Variants in PPP2R3A observed in about 807,000 individuals in gnomAD.
The protein encoded by PPP2R3A is serine/threonine-protein phosphatase 2A regulatory subunit B'' subunit alpha.
A neutral mutation model predicts 106.9 loss-of-function variants in PPP2R3A; 80 were observed. The observed-to-expected ratio is 0.75, with a 90% CI of 0.62 to 0.90. The LOEUF (loss-of-function observed/expected upper bound fraction) is 0.90, where lower values mean the gene tolerates loss of function less well. PPP2R3A is among the 40% of genes least tolerant of loss of function. The pLI is 0.00. For missense variants in PPP2R3A, 1,386 were observed against 1,350.4 expected (o/e 1.03, Z -0.41); for synonymous variants, 483 against 468.3 (o/e 1.03, Z -0.41).
At chr3:136,127,993 T>TA (rs1483649604) in intron 13 of PPP2R3A, among the ~76,000 whole-genome samples, 1 of 152,180 alleles carries the variant, frequency 6.6e-6, no homozygotes, top group Non-Finnish European at 1.5e-5. Flanking sequence ...AGGCCTGCCT[T>TA]ATAAGAGCTC....
chr3:136,027,131 CCTT>C, intron 3 of PPP2R3A, 33 bp downstream of exon 3: 2 of 1,568,642 alleles, frequency 1.3e-6, no homozygotes, highest in East Asian at 2.3e-5. Flanking sequence ...TACAATCTCC[CCTT>C]CTTTAGAAAC....
At chr3:136,097,044 T>C (rs111522618) in intron 10 of PPP2R3A, among the ~76,000 whole-genome samples, 5 of 152,264 alleles carry the variant, frequency 3.3e-5, no homozygotes, top group African/African-American at 9.6e-5. Context: ...ATCATTATGC[T>C]TTGAAAAACC....
intron 5 of PPP2R3A, among the ~76,000 whole-genome samples, chr3:136,056,409 G>A (rs59985749): frequency 0.01 from 1,558 of 152,126 alleles, 25 homozygotes; most frequent in African/African-American, 0.037. Flanking sequence ...AATAATTGAG[G>A]AATCTGGGCG....
intron 5 of PPP2R3A, among the ~76,000 whole-genome samples, chr3:136,057,715 A>G (rs757655617): frequency 3.9e-5 from 6 of 152,174 alleles, no homozygotes; most frequent in Admixed American, 2.6e-4. Context: ...CAAAATCACT[A>G]TCAGAGAAAA....
At chr3:136,022,639 C>T (rs1202613046) in intron 2 of PPP2R3A, 8 of 434,222 alleles carry the variant, frequency 1.8e-5, no homozygotes, top group African/African-American at 1.7e-4. Flanking sequence ...ACCTCACATA[C>T]CCTGAGTTTA....
At chr3:136,097,368 C>T (rs529630012) in intron 10 of PPP2R3A, among the ~76,000 whole-genome samples, 2 of 152,306 alleles carry the variant, frequency 1.3e-5, no homozygotes, top group Non-Finnish European at 2.9e-5. Flanking sequence ...TTTTCTCTTT[C>T]GTTCATTGAT....
At chr3:136,141,203 G>A (rs932120232) in intron 13 of PPP2R3A, among the ~76,000 whole-genome samples, 2 of 152,204 alleles carry the variant, frequency 1.3e-5, no homozygotes, top group African/African-American at 4.8e-5. Context: ...GCAACTTATG[G>A]TGCTGAGGGA....
chr3:136,058,268 C>A (rs1300386227), intron 5 of PPP2R3A, among the ~76,000 whole-genome samples: 1 of 152,090 alleles, frequency 6.6e-6, no homozygotes, highest in Non-Finnish European at 1.5e-5. Context: ...ATTTCAAAAA[C>A]CCCCCAGTCT....
intron 3 of PPP2R3A, among the ~76,000 whole-genome samples, chr3:136,035,836 T>A (rs1935065965): frequency 3.3e-5 from 5 of 152,174 alleles, no homozygotes; most frequent in Admixed American, 3.3e-4. Flanking sequence ...ACTTTAAATT[T>A]CTCTTCTTCC....
chr3:136,029,414 C>T (rs1411184500), intron 3 of PPP2R3A, among the ~76,000 whole-genome samples: 1 of 152,148 alleles, frequency 6.6e-6, no homozygotes, highest in Non-Finnish European at 1.5e-5. Flanking sequence ...TGCTCTGTGG[C>T]TCGGGGCCTT....
chr3:135,975,123 A>G (rs865831692), intron 1 of PPP2R3A, among the ~76,000 whole-genome samples: 3 of 152,192 alleles, frequency 2.0e-5, no homozygotes, highest in Non-Finnish European at 4.4e-5. Context: ...TTCTAGTAGA[A>G]GGTTGAGACC....
intron 5 of PPP2R3A, among the ~76,000 whole-genome samples, chr3:136,057,619 T>C (rs1330033763): frequency 1.3e-5 from 2 of 152,110 alleles, no homozygotes; most frequent in African/African-American, 4.8e-5. Flanking sequence ...ATATTTTACC[T>C]CAATACATTT....
chr3:136,043,232 G>C (rs568541718), intron 4 of PPP2R3A, among the ~76,000 whole-genome samples: 214 of 152,190 alleles, frequency 1.4e-3, no homozygotes, highest in African/African-American at 4.8e-3. Context: ...GGCCAAGGTG[G>C]GCAGATCCCG....
intron 2 of PPP2R3A, among the ~76,000 whole-genome samples, chr3:136,007,889 C>T (rs781343937): frequency 5.3e-5 from 8 of 152,076 alleles, no homozygotes; most frequent in Admixed American, 2.0e-4. Context: ...TTTTTGGATG[C>T]CCGAGAGAAA....
intron 3 of PPP2R3A, among the ~76,000 whole-genome samples, 189 bp downstream of exon 3, chr3:136,027,287 C>G (rs995415269): frequency 4.6e-5 from 7 of 152,054 alleles, no homozygotes; most frequent in Non-Finnish European, 1.0e-4. Flanking sequence ...ATAAGAATCC[C>G]TTCCAAGACA....
At chr3:136,041,757 A>G (rs1394459308) in intron 4 of PPP2R3A, among the ~76,000 whole-genome samples, 1 of 152,250 alleles carries the variant, frequency 6.6e-6, no homozygotes, top group Non-Finnish European at 1.5e-5. Context: ...TGAAAGCTCC[A>G]GTTAAGGAAC....
chr3:136,146,855 C>CAGAT lies in PPP2R3A; in HGVS notation c.*1693_*1696dup, dbSNP rs1939146719. ...GGGAAGAAAAGCAATTATTTCATTTCAGATAGAAATACAAAAAAAAAAAAA... is the reference window on the plus strand; with the variant it reads ...GGGAAGAAAAGCAATTATTTCATTTCAGATAGATAGAAATACAAAAAAAAAAAAA... On this transcript the variant is annotated 3_prime_UTR_variant, in exon 14 of 14. Transcript: ENST00000264977. The CAGAT allele has an allele frequency of 7.0e-6, 1 of 143,866 alleles. No individual in the cohort carries two copies. Among genetic ancestry groups the CAGAT allele is most frequent in the Non-Finnish European group, 1.5e-5 (1 of 66,342 alleles). 8.9% of individuals were successfully genotyped at this position (143,866 alleles called of 1,614,324 possible). A position where few individuals can be genotyped will look rare whatever the true frequency, so the allele number is the denominator to read the frequency against.
At chr3:136,102,284 T>A in intron 11 of PPP2R3A, 102 bp downstream of exon 11, 1 of 1,285,864 alleles carries the variant, frequency 7.8e-7, no homozygotes, top group Non-Finnish European at 1.1e-6. Context: ...AGAGTCTTGA[T>A]AGAAGACTTC....
At chr3:135,990,057 A>G (rs959336764) in intron 1 of PPP2R3A, among the ~76,000 whole-genome samples, 4 of 152,132 alleles carry the variant, frequency 2.6e-5, no homozygotes, top group Non-Finnish European at 4.4e-5. Flanking sequence ...TTCTACAGTC[A>G]TTACTTTTAT....
Sources: gnomAD v4.1 joint callset for allele counts (sites outside exome capture counted in the v4.1 genomes callset) on GRCh38, gnomAD v4.1.1 for gene constraint, MANE v1.5 for transcripts, NCBI Gene and HGNC (gene_info 2026-07-23, HGNC 2026-07-21) for gene names.